Variants in NDUFA10 observed in about 807,000 individuals in gnomAD.
The protein encoded by NDUFA10 is NADH:ubiquinone oxidoreductase subunit A10, also known as NADH dehydrogenase [ubiquinone] 1 alpha subcomplex subunit 10, mitochondrial.
NDUFA10 carries 40 observed loss-of-function variants against 47.8 expected under a neutral mutation model. The observed-to-expected ratio is 0.84, with a 90% CI of 0.65 to 1.09. The LOEUF (loss-of-function observed/expected upper bound fraction) is 1.09, where lower values mean the gene tolerates loss of function less well. NDUFA10 is among the 50% of genes least tolerant of loss of function. The probability of loss-of-function intolerance (pLI) is 0.00; values close to 1 mark genes in which losing one functional copy is unlikely to be tolerated. For synonymous variants in NDUFA10, 183 were observed against 172.2 expected (o/e 1.06, Z -0.49); for missense variants, 413 against 451.1 (o/e 0.92, Z 0.76).
rs1473330480 is a variant in NDUFA10 at position 240,016,827 on chromosome 2, C to T, written c.547+1726G>A. 1.3e-5 allele frequency among the ~76,000 whole-genome samples: 2 copies of T among 152,144 alleles called. No individual in the cohort carries two copies. Among genetic ancestry groups the T allele is most frequent in the African/African-American group, 4.8e-5 (2 of 41,428 alleles). On this transcript the variant is annotated intron_variant, in intron 4 of 9. Coordinates refer to ENST00000252711, the MANE Select transcript of NDUFA10 (RefSeq NM_004544.4). The surrounding 1 kb of genome is among the most constrained non-coding windows in gnomAD (Gnocchi z 4.4). ...ACTTCAGCAGACACTCAGCAGATGC[C>T]GACAGGTATCTCCTGCCACCTTGCC... is the stretch of plus-strand genomic sequence containing the variant.
At chr2:240,009,459 T>C (rs1350760454) in intron 6 of NDUFA10, among the ~76,000 whole-genome samples, 1 of 152,240 alleles carries the variant, frequency 6.6e-6, no homozygotes, top group Non-Finnish European at 1.5e-5. Context: ...CATGTACGCC[T>C]AAGATCTGGG....
chr2:239,991,575 T>G (rs1696249348), intron 8 of NDUFA10, among the ~76,000 whole-genome samples: 1 of 152,228 alleles, frequency 6.6e-6, no homozygotes, highest in South Asian at 2.1e-4. Context: ...AAGACTGCAT[T>G]AATTGTAAGA....
intron 4 of NDUFA10, among the ~76,000 whole-genome samples, chr2:239,918,987 C>T (rs948763942): frequency 2.6e-5 from 4 of 152,208 alleles, no homozygotes; most frequent in African/African-American, 4.8e-5. Flanking sequence ...ACACAGTAAC[C>T]GGCTGCTTCC....
At chr2:240,020,789 G>A (rs754435183) in intron 3 of NDUFA10, among the ~76,000 whole-genome samples, 11 of 152,096 alleles carry the variant, frequency 7.2e-5, no homozygotes, top group African/African-American at 9.7e-5. Flanking sequence ...TGGGCCCTCC[G>A]GGACAACCCT....
At chr2:239,935,912 CTT>C (rs2106376029) in intron 4 of NDUFA10, among the ~76,000 whole-genome samples, 1 of 152,346 alleles carries the variant, frequency 6.6e-6, no homozygotes, top group South Asian at 2.1e-4. Context: ...CCGGGTATGT[CTT>C]TATTGGCAGC....
chr2:239,908,465 C>G (rs577957139), intron 4 of NDUFA10, among the ~76,000 whole-genome samples: 1 of 152,274 alleles, frequency 6.6e-6, no homozygotes, highest in African/African-American at 2.4e-5. Flanking sequence ...ACGGTGCTCC[C>G]AGACTTGAGA....
intron 4 of NDUFA10, among the ~76,000 whole-genome samples, chr2:239,912,281 C>G (rs982457812): frequency 1.3e-5 from 2 of 152,190 alleles, no homozygotes; most frequent in Non-Finnish European, 2.9e-5. Context: ...TCTGGCTAGG[C>G]TCCCATCCTG....
At chr2:239,956,949 G>A (rs151069737), downstream of NDUFA10, among the ~76,000 whole-genome samples, 196 of 152,234 alleles carry the variant, frequency 1.3e-3, no homozygotes, top group Non-Finnish European at 2.5e-3. Flanking sequence ...TCTCCCTGAC[G>A]CGTGTGGAGC....
At chr2:239,993,014 C>T (rs1276495086) in intron 8 of NDUFA10, among the ~76,000 whole-genome samples, 8 of 152,084 alleles carry the variant, frequency 5.3e-5, no homozygotes, top group African/African-American at 1.7e-4. Context: ...ATATTGTAAA[C>T]TTATGAAACA....
chr2:240,018,732 A>C, intron 3 of NDUFA10, 93 bp from the exon 4 acceptor site: 4 of 1,285,682 alleles, frequency 3.1e-6, no homozygotes, highest in African/African-American at 1.5e-5. Flanking sequence ...GAAAATAACA[A>C]TCATTTACAA....
intron 4 of NDUFA10, among the ~76,000 whole-genome samples, chr2:239,908,346 C>T (rs566047531): frequency 5.3e-5 from 8 of 152,208 alleles, no homozygotes; most frequent in Admixed American, 3.3e-4. Flanking sequence ...TGTATACATA[C>T]GTAACAAACC....
At position 240,007,456 on chromosome 2, in the gene NDUFA10, C is replaced by T. The variant is rs116675569; in HGVS notation, c.750-86G>A. ...AAATGAATACATACCGCTAAAGTCT[C>T]CTGCTCAAATTTAAAACCTCACATT... is the stretch of plus-strand genomic sequence containing the variant. On this transcript the variant is annotated intron_variant, in intron 6 of 9. Coordinates refer to ENST00000252711, the MANE Select transcript of NDUFA10 (RefSeq NM_004544.4). 854 of 956,746 alleles carry T rather than the reference C, an allele frequency of 8.9e-4. 8 individuals are homozygous for T. In the African/African-American group the frequency reaches 0.012, roughly 14 times the overall value. The allele number at this position is 956,746 out of a possible 1,614,324, so 59.3% of individuals were successfully genotyped here.
chr2:239,998,317 G>A (rs1310888374), intron 8 of NDUFA10, among the ~76,000 whole-genome samples: 1 of 152,120 alleles, frequency 6.6e-6, no homozygotes, highest in African/African-American at 2.4e-5. Flanking sequence ...CAGTTCCCTT[G>A]CCCCTCTCTT....
chr2:239,966,417 C>A (rs1390596729), intron 9 of NDUFA10, among the ~76,000 whole-genome samples: 1 of 152,194 alleles, frequency 6.6e-6, no homozygotes, highest in Non-Finnish European at 1.5e-5. Flanking sequence ...GGTGTGCACA[C>A]TGCAGCCCAG....
At chr2:239,977,445 C>A (rs1394016728) in intron 9 of NDUFA10, among the ~76,000 whole-genome samples, 1 of 152,184 alleles carries the variant, frequency 6.6e-6, no homozygotes, top group African/African-American at 2.4e-5. Context: ...GCTTCCCAGA[C>A]ACCTAGAAGA....
At chr2:239,907,006 C>T (rs1441007701) in intron 4 of NDUFA10, among the ~76,000 whole-genome samples, 2 of 152,196 alleles carry the variant, frequency 1.3e-5, no homozygotes, top group Non-Finnish European at 2.9e-5. Context: ...TGACTTCAAA[C>T]TATACTACAA....
chr2:240,013,368 A>G (rs1048073465), intron 5 of NDUFA10: 1 of 152,220 alleles, frequency 6.6e-6, no homozygotes, highest in East Asian at 1.9e-4. Context: ...TTTAGACCTC[A>G]GAATTATTTT....
intron 4 of NDUFA10, among the ~76,000 whole-genome samples, chr2:239,915,394 C>T (rs1463590393): frequency 2.7e-5 from 3 of 109,428 alleles, no homozygotes; most frequent in Non-Finnish European, 5.6e-5. Context: ...GATACACATA[C>T]ATACACACAG....
chr2:239,910,315 T>G (rs1319244390), intron 4 of NDUFA10, among the ~76,000 whole-genome samples: 7 of 152,130 alleles, frequency 4.6e-5, no homozygotes, highest in African/African-American at 1.7e-4. Flanking sequence ...GGAATCAACC[T>G]AAATGCCCAT....
Sources: gnomAD v4.1 joint callset for allele counts (sites outside exome capture counted in the v4.1 genomes callset) on GRCh38, gnomAD v4.1.1 for gene constraint, Gnocchi (gnomAD v3.1) non-coding constraint, MANE v1.5 for transcripts, NCBI Gene and HGNC (gene_info 2026-07-23, HGNC 2026-07-21) for gene names.